The following KCNQ1 variants were observed in gnomAD, a reference collection of about 807,000 sequenced individuals.
KCNQ1 encodes potassium voltage-gated channel subfamily Q member 1.
In KCNQ1, 49 loss-of-function variants were observed where a neutral mutation model predicts 72.4. The observed-to-expected ratio is 0.68, with a 90% CI of 0.54 to 0.86. KCNQ1 has a LOEUF of 0.86. Ranked by LOEUF, KCNQ1 falls within the 40% of genes least tolerant of loss-of-function variation. The pLI, the probability that KCNQ1 is intolerant of heterozygous loss-of-function variation, is 0.00. For synonymous variants in KCNQ1, 450 were observed against 412.6 expected (o/e 1.09, Z -1.10); for missense variants, 790 against 945.1 (o/e 0.84, Z 2.15).
intron 1 of KCNQ1, among the ~76,000 whole-genome samples, chr11:2,501,202 T>A (rs1325013720): frequency 1.3e-5 from 2 of 149,924 alleles, no homozygotes; most frequent in Non-Finnish European, 3.0e-5. Context: ...TACATGAAAT[T>A]GAAGTGAAGA....
intron 1 of KCNQ1, chr11:2,461,810 G>A: frequency 9.7e-7 from 1 of 1,025,948 alleles, no homozygotes; most frequent in Non-Finnish European, 1.3e-6. Flanking sequence ...GGGTAGATGG[G>A]TGGACAGCTG....
At chr11:2,732,426 C>A (rs1845871648) in intron 11 of KCNQ1, among the ~76,000 whole-genome samples, 1 of 152,218 alleles carries the variant, frequency 6.6e-6, no homozygotes, top group Admixed American at 6.5e-5. Context: ...CTGGGCTGGG[C>A]AGGGGACTCC....
chr11:2,505,899 C>T (rs936796948), intron 1 of KCNQ1, among the ~76,000 whole-genome samples: 1 of 152,176 alleles, frequency 6.6e-6, no homozygotes, highest in Admixed American at 6.5e-5. Flanking sequence ...CTCTAGTAGA[C>T]AGCATGTAGC....
At chr11:2,774,402 T>C (rs12801888) in intron 12 of KCNQ1, among the ~76,000 whole-genome samples, 20,400 of 152,176 alleles carry the variant, frequency 0.13, 1,602 homozygotes, top group South Asian at 0.22. Context: ...ACAGCTGTGT[T>C]GTGAGGACAC....
chr11:2,612,808 T>G lies in KCNQ1; in HGVS notation c.1393+23954T>G, dbSNP rs1849002300. ...TTTTCTGTTTCTTTGCATATCTCAT[T>G]TTTTTTGTTAAAAACTTACTTTAGA... On this transcript the variant is annotated intron_variant, in intron 10 of 15. Coordinates refer to ENST00000155840, the MANE Select transcript of KCNQ1 (RefSeq NM_000218.3). This position sits in a 1 kb window ranked among gnomAD's most constrained non-coding sequence, Gnocchi z 5.5. 2.5e-6 allele frequency: 1 copy of G among 398,428 alleles called. No individual in the cohort carries two copies. 24.7% of individuals were successfully genotyped at this position (398,428 alleles called of 1,614,324 possible).
chr11:2,790,867 C>T (rs896335548), intron 15 of KCNQ1, among the ~76,000 whole-genome samples: 4 of 152,208 alleles, frequency 2.6e-5, no homozygotes, highest in Admixed American at 6.5e-5. Context: ...AACCCTACTA[C>T]GTGGCCCTGG....
rs751982731 is a variant in KCNQ1 at position 2,750,806 on chromosome 11, C to T, written c.1515-18038C>T. On this transcript the variant is annotated intron_variant, in intron 11 of 15. Transcript: ENST00000155840. The surrounding 1 kb of genome is among the most constrained non-coding windows in gnomAD (Gnocchi z 6.3). ...AAACACTTTTCTTGTTTTCTTTCTC[C>T]GGCATGCTGGAAGCCGGCCAACTCG... is the stretch of plus-strand genomic sequence containing the variant. Among the ~76,000 whole-genome samples, 4 of 152,158 alleles carry T rather than the reference C, an allele frequency of 2.6e-5. No homozygotes were observed. Among genetic ancestry groups the T allele is most frequent in the Admixed American group, 6.5e-5 (1 of 15,280 alleles).
In KCNQ1 at chr11:2,543,150, C is replaced by G. The variant is rs1847854063; in HGVS notation, c.477+15132C>G. Reference sequence around the variant, plus strand: ...TGACATATCTTTTTAAATGTTTCACCCATTGTAAAATTGGGCTGTTTGTCA... The same window carrying G: ...TGACATATCTTTTTAAATGTTTCACGCATTGTAAAATTGGGCTGTTTGTCA... On this transcript the variant is annotated intron_variant, in intron 2 of 15. Coordinates refer to ENST00000155840, the MANE Select transcript of KCNQ1 (RefSeq NM_000218.3). The surrounding 1 kb of genome is among the most constrained non-coding windows in gnomAD (Gnocchi z 5.6). Among the ~76,000 whole-genome samples the G allele has an allele frequency of 6.6e-6, 1 of 152,104 alleles. No individual in the cohort carries two copies. The highest frequency in any genetic ancestry group is 1.5e-5 in the Non-Finnish European group (1 of 68,036).
At chr11:2,694,965 T>G (rs1380728669) in intron 11 of KCNQ1, 2 of 398,538 alleles carry the variant, frequency 5.0e-6, no homozygotes, top group African/African-American at 4.1e-5. Context: ...TTGGCAGATT[T>G]AACAAAGAAG....
Position 2,828,109 on chromosome 11 carries a change from C to T in KCNQ1, c.1795-19658C>T, listed in dbSNP as rs1018694344. Among the ~76,000 whole-genome samples, 7 of 152,174 alleles carry T rather than the reference C, an allele frequency of 4.6e-5. No homozygotes were observed. The highest frequency in any genetic ancestry group is 2.1e-4 in the South Asian group (1 of 4,832). ...GAGCCAGCAGGGAAGGGGCCACAGCCGGGACTCAGAGGAGGCAGCCACGTG... is the reference window on the plus strand; with the variant it reads ...GAGCCAGCAGGGAAGGGGCCACAGCTGGGACTCAGAGGAGGCAGCCACGTG... On this transcript the variant is annotated intron_variant, in intron 15 of 15. Transcript: ENST00000155840. The surrounding 1 kb of genome is among the most constrained non-coding windows in gnomAD (Gnocchi z 5.3).
At position 2,484,932 on chromosome 11, in the gene KCNQ1, A is replaced by C. The variant is rs912809533; in HGVS notation, c.386+39448A>C. On this transcript the variant is annotated intron_variant, in intron 1 of 15. Coordinates refer to ENST00000155840, the MANE Select transcript of KCNQ1 (RefSeq NM_000218.3). This position sits in a 1 kb window ranked among gnomAD's most constrained non-coding sequence, Gnocchi z 5.2. ...CAATAGTGAGAAACCTGGCTCTCTC[A>C]CCTTCACCTGCTCGTCCAACCCCAG... 6.6e-6 allele frequency among the ~76,000 whole-genome samples: 1 copy of C among 152,012 alleles called. No individual in the cohort carries two copies. Among genetic ancestry groups the C allele is most frequent in the African/African-American group, 2.4e-5 (1 of 41,372 alleles).
At chr11:2,751,027 T>G (rs1293547184) in intron 11 of KCNQ1, among the ~76,000 whole-genome samples, 1 of 152,174 alleles carries the variant, frequency 6.6e-6, no homozygotes, top group Non-Finnish European at 1.5e-5. Context: ...AGCTCCTTCC[T>G]GGTGGCTCTG....
At position 2,687,385 on chromosome 11, in the gene KCNQ1, C is replaced by G. The variant is rs1850508645; in HGVS notation, c.1514+25304C>G. 2.5e-6 allele frequency: 1 copy of G among 398,686 alleles called. No individual in the cohort carries two copies. The highest frequency in any genetic ancestry group is 4.4e-6 in the Non-Finnish European group (1 of 226,108). The allele number at this position is 398,686 out of a possible 1,614,324, so 24.7% of individuals were successfully genotyped here. On this transcript the variant is annotated intron_variant, in intron 11 of 15. Coordinates refer to ENST00000155840, the MANE Select transcript of KCNQ1 (RefSeq NM_000218.3). The surrounding 1 kb of genome is among the most constrained non-coding windows in gnomAD (Gnocchi z 5.0). ...TTGGGCTGTCACTCAGGGCTGAGCT[C>G]TGCTGAAGGATCTGGGAGGTCAGTA... is the stretch of plus-strand genomic sequence containing the variant.
intron 1 of KCNQ1, among the ~76,000 whole-genome samples, chr11:2,474,613 G>A (rs1846544056): frequency 8.5e-6 from 1 of 117,438 alleles, no homozygotes; most frequent in Non-Finnish European, 2.0e-5. Context: ...TGCGTCAGCT[G>A]GAGGCTCTTT....
rs1393695617 is a variant in KCNQ1, at chr11:2,588,986, T to A, written c.1393+132T>A. ...CAACGAGGTATGAACAGACAGAGGG[T>A]GGAGCTTCTAGAAACTTCTGTAAAC... On this transcript the variant is annotated intron_variant, in intron 10 of 15. Transcript: ENST00000155840. The surrounding 1 kb of genome is among the most constrained non-coding windows in gnomAD (Gnocchi z 5.6). 2 of 1,119,536 alleles carry A rather than the reference T, an allele frequency of 1.8e-6. No homozygotes were observed. The highest frequency in any genetic ancestry group is 2.6e-6 in the Non-Finnish European group (2 of 776,012). 69.4% of individuals were successfully genotyped at this position (1,119,536 alleles called of 1,614,324 possible).
In KCNQ1 at chr11:2,712,267, G is replaced by A. The variant is rs1056401286; in HGVS notation, c.1514+50186G>A. Among the ~76,000 whole-genome samples the A allele has an allele frequency of 3.9e-5, 6 of 152,104 alleles. No homozygotes were observed. The highest frequency in any genetic ancestry group is 7.4e-5 in the Non-Finnish European group (5 of 68,012). On this transcript the variant is annotated intron_variant, in intron 11 of 15. Transcript: ENST00000155840. This position sits in a 1 kb window ranked among gnomAD's most constrained non-coding sequence, Gnocchi z 6.4. ...CCCTCTACTAGATGTGGGAGTTACC[G>A]TGTGGGATGGACTGACACTGGTGAC...
At chr11:2,697,468 A>G (rs1850697164) in intron 11 of KCNQ1, 1 of 398,480 alleles carries the variant, frequency 2.5e-6, no homozygotes, top group Non-Finnish European at 4.4e-6. Context: ...TAATTTCTCT[A>G]TCAAGTTTAC....
rs1402692656 is a variant in KCNQ1 at position 2,454,128 on chromosome 11, C to T, written c.386+8644C>T. Among the ~76,000 whole-genome samples the T allele has an allele frequency of 2.6e-5, 4 of 151,732 alleles. No homozygotes were observed. In the East Asian group the frequency reaches 7.7e-4, roughly 29 times the overall value. The stretch of plus-strand genomic sequence containing the variant: ...GAATAAAAATATAGCAGCTATTCTT[C>T]ATCTGATAAAGGGGAGGATGCAAGT... On this transcript the variant is annotated intron_variant, in intron 1 of 15. Coordinates refer to ENST00000155840, the MANE Select transcript of KCNQ1 (RefSeq NM_000218.3).
rs184095977 is a variant in KCNQ1 at position 2,494,887 on chromosome 11, C to T, written c.387-33041C>T. ...TTAGGGAGGGGTCCCTCTTTTTCTACTGTTTGGAATAGTTTCAGAAGGAAT... is the reference window on the plus strand; with the variant it reads ...TTAGGGAGGGGTCCCTCTTTTTCTATTGTTTGGAATAGTTTCAGAAGGAAT... On this transcript the variant is annotated intron_variant, in intron 1 of 15. Transcript: ENST00000155840. The surrounding 1 kb of genome is among the most constrained non-coding windows in gnomAD (Gnocchi z 4.6). 6.6e-6 allele frequency among the ~76,000 whole-genome samples: 1 copy of T among 152,226 alleles called. No individual in the cohort carries two copies. Among genetic ancestry groups the T allele is most frequent in the East Asian group, 1.9e-4 (1 of 5,178 alleles).
Sources: gnomAD v4.1 joint callset for allele counts (sites outside exome capture counted in the v4.1 genomes callset) on GRCh38, gnomAD v4.1.1 for gene constraint, Gnocchi (gnomAD v3.1) non-coding constraint, MANE v1.5 for transcripts, NCBI Gene and HGNC (gene_info 2026-07-23, HGNC 2026-07-21) for gene names.